Variants in RADIL observed in about 807,000 individuals in gnomAD.
The protein encoded by RADIL is Rap associating with DIL domain, also known as ras-associating and dilute domain-containing protein.
Under a neutral mutation model 97.6 loss-of-function variants are expected in RADIL, and 99 were observed. That is an observed-to-expected ratio of 1.01 (90% CI 0.86 to 1.20). RADIL has a LOEUF of 1.20. RADIL is among the 50% of genes most tolerant of loss of function. RADIL has a pLI of 0.00. For missense variants in RADIL, 1,765 were observed against 1,498.9 expected (o/e 1.18, Z -2.93); for synonymous variants, 803 against 691.8 (o/e 1.16, Z -2.52).
Position 4,805,569 on chromosome 7 carries a change from A to T in RADIL, c.2287T>A (p.Ser763Thr). ...GAQDSPEAFR[S>T]EDVLESYENP... Reference sequence around the variant, plus strand: ...CCTGCCCTGGGGCAGGGCTTACCTGACCTGAAGGCCTCGGGGCTGTCCTGG... The same window carrying T: ...CCTGCCCTGGGGCAGGGCTTACCTGTCCTGAAGGCCTCGGGGCTGTCCTGG... The change falls in exon 10 of 15, where the codon TCA becomes ACA. Residue 763 changes from serine to threonine, a missense_variant. Coordinates refer to ENST00000399583, the MANE Select transcript of RADIL (RefSeq NM_018059.5). 2 of 1,598,576 alleles carry T rather than the reference A, an allele frequency of 1.3e-6. No individual in the cohort carries two copies. Among genetic ancestry groups the T allele is most frequent in the Non-Finnish European group, 1.7e-6 (2 of 1,171,198 alleles).
chr7:4,831,577 CAAAAAAAAAAA>C (rs397889423), intron 5 of RADIL, among the ~76,000 whole-genome samples: 1 of 77,868 alleles, frequency 1.3e-5, no homozygotes. Context: ...TGAAGATTCT[CAAAAAAAAAAA>C]AAAAAAAAAA....
chr7:4,864,903 C>A (rs1784095870), intron 2 of RADIL, among the ~76,000 whole-genome samples: 1 of 152,174 alleles, frequency 6.6e-6, no homozygotes, highest in Admixed American at 6.5e-5. Flanking sequence ...CTCCAATGAC[C>A]TCCCATTATA....
rs770720386 is a variant in RADIL, at chr7:4,799,500, A to G, written c.3123-17T>C. ...TCCACAGCTCTGAAATCCATGCCAG[A>G]GGTGGGGGTGGGCAGGAGGGCACCA... On this transcript the variant is annotated splice_polypyrimidine_tract_variant and intron_variant, in intron 14 of 14. Coordinates refer to ENST00000399583, the MANE Select transcript of RADIL (RefSeq NM_018059.5). 1 of 1,613,244 alleles carries G rather than the reference A, an allele frequency of 6.2e-7. No homozygotes were observed. The highest frequency in any genetic ancestry group is 8.5e-7 in the Non-Finnish European group (1 of 1,179,568).
At position 4,816,490 on chromosome 7, in the gene RADIL, C is replaced by T. The variant is rs372515733; in HGVS notation, c.1729-25G>A. On this transcript the variant is annotated intron_variant, in intron 7 of 14. Transcript: ENST00000399583. ...ACTGGCGGGGGCAAGAGGAGAACAG[C>T]AACCAGCATTTCCAGGAGCGCTGGC... 1.3e-4 allele frequency: 205 copies of T among 1,578,000 alleles called. No homozygotes were observed. In the African/African-American group the frequency reaches 2.4e-3, roughly 18 times the overall value.
rs543341170 is a variant in RADIL at position 4,838,326 on chromosome 7, G to A, written c.536-1721C>T. On this transcript the variant is annotated intron_variant, in intron 2 of 14. Transcript: ENST00000399583. ...CAAAAACAGCTCCAAATGATGCTCC[G>A]GCCCTCAACTTTCTCCCAAATCCAG... 6.4e-4 allele frequency among the ~76,000 whole-genome samples: 97 copies of A among 152,288 alleles called. 1 individual carries two copies. Among genetic ancestry groups the A allele is most frequent in the Middle Eastern group, 3.4e-3 (1 of 294 alleles).
intron 2 of RADIL, among the ~76,000 whole-genome samples, chr7:4,868,397 C>A (rs1009563084): frequency 2.0e-5 from 3 of 152,142 alleles, no homozygotes; most frequent in Non-Finnish European, 2.9e-5. Flanking sequence ...TATATGTGTA[C>A]GGGTGGCAGC....
chr7:4,861,842 C>CCCACCACCGCGACCTTCACGTCCG, intron 2 of RADIL: 1 of 1,395,736 alleles, frequency 7.2e-7, no homozygotes, highest in African/African-American at 1.5e-5. Flanking sequence ...GGGCACGTCC[C>CCCACCACCGCGACCTTCACGTCCG]CCACCACCGC....
chr7:4,875,283 T>G (rs370302879), intron 2 of RADIL, among the ~76,000 whole-genome samples: 1 of 147,146 alleles, frequency 6.8e-6, no homozygotes, highest in African/African-American at 2.6e-5. Context: ...ATCCCAGCTA[T>G]TCAGGAGGCT....
In RADIL at chr7:4,867,961, G is replaced by A. The variant is rs1351868287; in HGVS notation, c.535+9644C>T. 1.3e-5 allele frequency among the ~76,000 whole-genome samples: 2 copies of A among 152,228 alleles called. No individual in the cohort carries two copies. Among genetic ancestry groups the A allele is most frequent in the Non-Finnish European group, 1.5e-5 (1 of 68,038 alleles). The stretch of plus-strand genomic sequence containing the variant: ...TACTTGTTCCCCATATTGGTGAGAC[G>A]GCTGTCCTGCATTAGGCATTCGGTC... On this transcript the variant is annotated intron_variant, in intron 2 of 14. Coordinates refer to ENST00000399583, the MANE Select transcript of RADIL (RefSeq NM_018059.5). The surrounding 1 kb of genome is among the most constrained non-coding windows in gnomAD (Gnocchi z 4.1).
At chr7:4,843,666 C>T (rs1166578863) in intron 2 of RADIL, among the ~76,000 whole-genome samples, 2 of 152,066 alleles carry the variant, frequency 1.3e-5, no homozygotes, top group African/African-American at 4.8e-5. Flanking sequence ...AATCCCAGCC[C>T]TTTGGGAGGC....
At position 4,799,784 on chromosome 7, in the gene RADIL, A is replaced by G. The variant is rs768965164; in HGVS notation, c.2983-15T>C. The G allele has an allele frequency of 7.3e-6, 11 of 1,508,146 alleles. No homozygotes were observed. Among genetic ancestry groups the G allele is most frequent in the South Asian group, 2.5e-5 (2 of 80,258 alleles). The allele number at this position is 1,508,146 out of a possible 1,614,324, so 93.4% of individuals were successfully genotyped here. On this transcript the variant is annotated splice_polypyrimidine_tract_variant and intron_variant, in intron 13 of 14. Coordinates refer to ENST00000399583, the MANE Select transcript of RADIL (RefSeq NM_018059.5). Reference sequence around the variant, plus strand: ...AGGTGCGTGTGCTGGGGACAAGCAGAGGCCTCAGAGCTCCGCAGGCCCGAC... The same window carrying G: ...AGGTGCGTGTGCTGGGGACAAGCAGGGGCCTCAGAGCTCCGCAGGCCCGAC...
intron 2 of RADIL, among the ~76,000 whole-genome samples, chr7:4,855,416 G>C (rs2115025658): frequency 6.6e-6 from 1 of 152,184 alleles, no homozygotes; most frequent in South Asian, 2.1e-4. Flanking sequence ...AAGTACATCA[G>C]TGTCCCACAG....
chr7:4,802,917 G>A (rs1415164919), intron 11 of RADIL, among the ~76,000 whole-genome samples: 4 of 117,024 alleles, frequency 3.4e-5, no homozygotes, highest in Non-Finnish European at 5.1e-5. Flanking sequence ...CTCGGGGAAT[G>A]CTGGCTGGGT....
At chr7:4,832,299 C>A (rs770470186) in intron 4 of RADIL, 121 bp from the exon 5 acceptor site, 1 of 928,498 alleles carries the variant, frequency 1.1e-6, no homozygotes, top group Non-Finnish European at 1.7e-6. Context: ...TCCTGTGTGA[C>A]GCTGACTATT....
chr7:4,801,225 T>C (rs914550456), intron 12 of RADIL, among the ~76,000 whole-genome samples: 1 of 152,214 alleles, frequency 6.6e-6, no homozygotes, highest in South Asian at 2.1e-4. Context: ...CCCATGCACC[T>C]GTGAGCACAC....
chr7:4,808,343 G>T (rs1387350981), intron 9 of RADIL, among the ~76,000 whole-genome samples: 1 of 151,540 alleles, frequency 6.6e-6, no homozygotes, highest in Non-Finnish European at 1.5e-5. Context: ...TTCTCTCATG[G>T]ATACAATCTT....
rs921889288 is a variant in RADIL, at chr7:4,797,362, C to T, written c.*2016G>A. Reference sequence around the variant, plus strand: ...CCCTTCAGTCTGGCTTGGAAGGTCCCAGAATATCACTTATGCTGCATCCTG... The same window carrying T: ...CCCTTCAGTCTGGCTTGGAAGGTCCTAGAATATCACTTATGCTGCATCCTG... On this transcript the variant is annotated 3_prime_UTR_variant, in exon 15 of 15. Transcript: ENST00000399583. 1 of 152,234 alleles carries T rather than the reference C, an allele frequency of 6.6e-6. No individual in the cohort carries two copies. The highest frequency in any genetic ancestry group is 2.4e-5 in the African/African-American group (1 of 41,450). The allele number at this position is 152,234 out of a possible 1,614,324, so 9.4% of individuals were successfully genotyped here. A position where few individuals can be genotyped will look rare whatever the true frequency, so the allele number is the denominator to read the frequency against.
chr7:4,852,718 T>C (rs1783738980), intron 2 of RADIL, among the ~76,000 whole-genome samples: 1 of 152,124 alleles, frequency 6.6e-6, no homozygotes, highest in South Asian at 2.1e-4. Context: ...AATTTTTGTG[T>C]TTTTGGTAGA....
intron 10 of RADIL, among the ~76,000 whole-genome samples, chr7:4,804,752 A>C (rs1782237241): frequency 6.6e-6 from 1 of 151,344 alleles, no homozygotes; most frequent in South Asian, 2.1e-4. Flanking sequence ...GAGCCACTGC[A>C]CTCCAGCCTG....
Sources: gnomAD v4.1 joint callset for allele counts (sites outside exome capture counted in the v4.1 genomes callset) on GRCh38, gnomAD v4.1.1 for gene constraint, Gnocchi (gnomAD v3.1) non-coding constraint, MANE v1.5 for transcripts, NCBI Gene and HGNC (gene_info 2026-07-23, HGNC 2026-07-21) for gene names.